SLC9A9: variants seen among roughly 807,000 people sequenced by gnomAD.
SLC9A9 encodes the protein solute carrier family 9 member A9, also known as sodium/hydrogen exchanger 9.
A neutral mutation model predicts 77.8 loss-of-function variants in SLC9A9; 62 were observed. The observed-to-expected ratio is 0.80, with a 90% CI of 0.65 to 0.98. SLC9A9 has a LOEUF of 0.98. SLC9A9 is among the 50% of genes least tolerant of loss of function. The probability of loss-of-function intolerance (pLI) is 0.00; values close to 1 mark genes in which losing one functional copy is unlikely to be tolerated. For missense variants in SLC9A9, 775 were observed against 774.9 expected, an observed-to-expected ratio of 1.00 and a Z score of 0.00; for synonymous variants, 320 against 283.5, an observed-to-expected ratio of 1.13 and a Z score of -1.29.
chr3:143,539,704 T>G (rs2036653146), intron 9 of SLC9A9, among the ~76,000 whole-genome samples: 1 of 152,174 alleles, frequency 6.6e-6, no homozygotes, highest in African/African-American at 2.4e-5. Flanking sequence ...GGCGACCATC[T>G]GTCTTGAGTG....
At chr3:143,306,563 T>A (rs1343632057) in intron 14 of SLC9A9, among the ~76,000 whole-genome samples, 2 of 152,200 alleles carry the variant, frequency 1.3e-5, no homozygotes, top group East Asian at 3.8e-4. Flanking sequence ...AATGTTCTTT[T>A]TGATGAATCA....
At chr3:143,419,703 G>C (rs577393078) in intron 12 of SLC9A9, among the ~76,000 whole-genome samples, 56 of 152,120 alleles carry the variant, frequency 3.7e-4, no homozygotes, top group Non-Finnish European at 6.3e-4. Flanking sequence ...ACAGTCTAGC[G>C]GGGGATCCAG....
intron 9 of SLC9A9, among the ~76,000 whole-genome samples, chr3:143,518,399 T>C (rs9289665): frequency 0.27 from 41,326 of 152,244 alleles, 6,407 homozygotes; most frequent in Non-Finnish European, 0.36. Context: ...AACTGTGAAA[T>C]ATAAAAACAT....
chr3:143,370,567 G>GCGCGCGCA (rs373398536), intron 13 of SLC9A9, among the ~76,000 whole-genome samples: 4 of 143,304 alleles, frequency 2.8e-5, no homozygotes, highest in Non-Finnish European at 6.1e-5. Flanking sequence ...GCATGTGCGC[G>GCGCGCGCA]CACACACACA....
At chr3:143,737,487 C>A (rs1411655082) in intron 4 of SLC9A9, among the ~76,000 whole-genome samples, 158 of 143,508 alleles carry the variant, frequency 1.1e-3, no homozygotes, top group Non-Finnish European at 1.8e-3. Flanking sequence ...AAAAAAAAAC[C>A]AAAAAAAAAA....
At chr3:143,713,078 A>G (rs575578970) in intron 4 of SLC9A9, among the ~76,000 whole-genome samples, 1 of 152,296 alleles carries the variant, frequency 6.6e-6, no homozygotes, top group Admixed American at 6.5e-5. Flanking sequence ...ATAGCTCAAC[A>G]GGTTTAATCC....
intron 12 of SLC9A9, among the ~76,000 whole-genome samples, chr3:143,402,208 T>G (rs1457882076): frequency 6.6e-6 from 1 of 152,208 alleles, no homozygotes; most frequent in South Asian, 2.1e-4. Context: ...TAAAAAAATT[T>G]AATTTGGCAT....
intron 11 of SLC9A9, among the ~76,000 whole-genome samples, chr3:143,490,442 A>G (rs1467608161): frequency 6.6e-6 from 1 of 152,196 alleles, no homozygotes; most frequent in Admixed American, 6.5e-5. Context: ...ATACTATATG[A>G]TTCCACTTAT....
chr3:143,266,514 A>G lies in SLC9A9; in HGVS notation c.*188T>C, dbSNP rs1164423529. 6.1e-6 allele frequency: 4 copies of G among 656,424 alleles called. No homozygotes were observed. The highest frequency in any genetic ancestry group is 4.1e-4 in the Middle Eastern group (1 of 2,444). 40.7% of individuals were successfully genotyped at this position (656,424 alleles called of 1,614,324 possible). ...TCAAAAAACTAAATTCATTTGCATAATAGAGAGGGATAATAAAATCTCATT... is the reference window on the plus strand; with the variant it reads ...TCAAAAAACTAAATTCATTTGCATAGTAGAGAGGGATAATAAAATCTCATT... On this transcript the variant is annotated 3_prime_UTR_variant, in exon 16 of 16. Transcript: ENST00000316549.
intron 1 of SLC9A9, among the ~76,000 whole-genome samples, chr3:143,841,365 G>T (rs1289028408): frequency 6.6e-6 from 1 of 152,152 alleles, no homozygotes; most frequent in Non-Finnish European, 1.5e-5. Flanking sequence ...CCTAAAAAAT[G>T]GTTGTTGTGA....
At position 143,647,198 on chromosome 3, in the gene SLC9A9, C is replaced by T. The variant is rs138568670; in HGVS notation, c.755+5057G>A. Among the ~76,000 whole-genome samples, 585 of 152,152 alleles carry T rather than the reference C, an allele frequency of 3.8e-3. 4 individuals are homozygous for T. Among genetic ancestry groups the T allele is most frequent in the African/African-American group, 0.013 (559 of 41,514 alleles). On this transcript the variant is annotated intron_variant, in intron 6 of 15. Coordinates refer to ENST00000316549, the MANE Select transcript of SLC9A9 (RefSeq NM_173653.4). ...TATTTTACAAATGAGTCTGCCAAGG[C>T]GCAGGGGGATTGAGTAACTTGCCCA...
At chr3:143,589,739 T>A (rs6771178) in intron 6 of SLC9A9, among the ~76,000 whole-genome samples, 14,457 of 152,188 alleles carry the variant, frequency 0.095, 1,249 homozygotes, top group African/African-American at 0.23. Context: ...TCAGGGAGAT[T>A]AAATCACTTG....
Position 143,525,235 on chromosome 3 carries a change from A to G in SLC9A9, c.1089+27127T>C, listed in dbSNP as rs554784880. 1.1e-3 allele frequency among the ~76,000 whole-genome samples: 163 copies of G among 152,334 alleles called. 1 individual carries two copies. Among genetic ancestry groups the G allele is most frequent in the African/African-American group, 3.8e-3 (157 of 41,584 alleles). On this transcript the variant is annotated intron_variant, in intron 9 of 15. Transcript: ENST00000316549. ...GTTAAATGTTATTTCTCTTTTTAAA[A>G]TAAATTATCATTTAAATTAATACAG... is the stretch of plus-strand genomic sequence containing the variant.
intron 4 of SLC9A9, among the ~76,000 whole-genome samples, chr3:143,721,704 CG>C (rs1934502508): frequency 6.6e-6 from 1 of 152,056 alleles, no homozygotes; most frequent in African/African-American, 2.4e-5. Flanking sequence ...ACACGAGCCT[CG>C]GGCAGAAGTG....
At chr3:143,575,365 T>C (rs1454730772) in intron 7 of SLC9A9, among the ~76,000 whole-genome samples, 1 of 152,218 alleles carries the variant, frequency 6.6e-6, no homozygotes, top group Non-Finnish European at 1.5e-5. Flanking sequence ...ACTGTGTGCC[T>C]GAGTTTTCCT....
intron 9 of SLC9A9, among the ~76,000 whole-genome samples, chr3:143,515,029 C>T (rs1339279302): frequency 6.6e-6 from 1 of 152,166 alleles, no homozygotes; most frequent in Non-Finnish European, 1.5e-5. Flanking sequence ...GATTTCAACC[C>T]AGACATGTGC....
At chr3:143,660,919 T>C (rs546716170) in intron 5 of SLC9A9, among the ~76,000 whole-genome samples, 191 of 152,230 alleles carry the variant, frequency 1.3e-3, no homozygotes, top group Non-Finnish European at 2.5e-3. Flanking sequence ...TATGTGTGCC[T>C]ATGAGGTCCT....
chr3:143,280,342 A>G lies in SLC9A9; in HGVS notation c.1605-11362T>C, dbSNP rs2108405518. On this transcript the variant is annotated intron_variant, in intron 14 of 15. Coordinates refer to ENST00000316549, the MANE Select transcript of SLC9A9 (RefSeq NM_173653.4). Reference sequence around the variant, plus strand: ...TGTTATACGAATCCAGGTATGTAACACTGGGTTATTTTTGAGCTATGGAAT... The same window carrying G: ...TGTTATACGAATCCAGGTATGTAACGCTGGGTTATTTTTGAGCTATGGAAT... Among the ~76,000 whole-genome samples, 2 of 152,294 alleles carry G rather than the reference A, an allele frequency of 1.3e-5. 1 individual carries two copies. Among genetic ancestry groups the G allele is most frequent in the South Asian group, 4.1e-4 (2 of 4,830 alleles).
chr3:143,460,942 G>T (rs1233964275), intron 12 of SLC9A9, among the ~76,000 whole-genome samples: 5 of 152,060 alleles, frequency 3.3e-5, no homozygotes, highest in Non-Finnish European at 7.4e-5. Context: ...AACTATAAAA[G>T]GCAGTACCAG....
Sources: gnomAD v4.1 joint callset for allele counts (sites outside exome capture counted in the v4.1 genomes callset) on GRCh38, gnomAD v4.1.1 for gene constraint, MANE v1.5 for transcripts, NCBI Gene and HGNC (gene_info 2026-07-23, HGNC 2026-07-21) for gene names.